SYNJ2: variants seen among roughly 807,000 people sequenced by gnomAD.
SYNJ2 encodes the protein polyphosphatidylinositol phosphatase SYNJ2.
A neutral mutation model predicts 141.3 loss-of-function variants in SYNJ2; 116 were observed. The ratio of observed to expected loss-of-function variants is 0.82; its 90% CI spans 0.71 to 0.96. The LOEUF (loss-of-function observed/expected upper bound fraction) is 0.96, where lower values mean the gene tolerates loss of function less well. Among genes scored for constraint, SYNJ2 ranks in the 40% least tolerant of loss-of-function variants. The pLI, the probability that SYNJ2 is intolerant of heterozygous loss-of-function variation, is 0.00. For synonymous variants in SYNJ2, 745 were observed against 777.7 expected (o/e 0.96, Z 0.70); for missense variants, 1,873 against 1,934.8 (o/e 0.97, Z 0.60).
At chr6:158,083,878 G>T (rs1425786466) in intron 21 of SYNJ2, 123 bp from the exon 22 acceptor site, 3 of 1,180,322 alleles carry the variant, frequency 2.5e-6, no homozygotes, top group Non-Finnish European at 3.7e-6. Context: ...TGGCGCCTGG[G>T]CCCTGAGCTG....
In SYNJ2 at chr6:158,043,903, G is replaced by A. The variant is rs1459661438; in HGVS notation, c.795+504G>A. Among the ~76,000 whole-genome samples the A allele has an allele frequency of 6.6e-6, 1 of 152,220 alleles. No individual in the cohort carries two copies. The highest frequency in any genetic ancestry group is 1.5e-5 in the Non-Finnish European group (1 of 68,034). On this transcript the variant is annotated intron_variant, in intron 5 of 26. Coordinates refer to ENST00000355585, the MANE Select transcript of SYNJ2 (RefSeq NM_003898.4). This position sits in a 1 kb window ranked among gnomAD's most constrained non-coding sequence, Gnocchi z 4.0. ...AATACCCCTTGCCGTCCAAAGCAGG[G>A]CTCTGGTCAGTGCCAGAGAGATTTG...
At chr6:158,031,896 G>A (rs1393443823) in intron 3 of SYNJ2, among the ~76,000 whole-genome samples, 1 of 152,200 alleles carries the variant, frequency 6.6e-6, no homozygotes, top group African/African-American at 2.4e-5. Flanking sequence ...CTGAGCCCTG[G>A]TGATAGTGGC....
rs760907692 is a variant in SYNJ2 at position 158,033,663 on chromosome 6, T to G, written c.694T>G (p.Phe232Val). 2 of 1,610,296 alleles carry G rather than the reference T, an allele frequency of 1.2e-6. No individual in the cohort carries two copies. Among genetic ancestry groups the G allele is most frequent in the Non-Finnish European group, 1.7e-6 (2 of 1,179,372 alleles). ...GVNDDGHVSN[F>V]VETEQMIYMD... Reference sequence around the variant, plus strand: ...GAACGACGACGGCCATGTGTCCAACTTCGTGGAGACAGAGCAGGTGAGTGC... The same window carrying G: ...GAACGACGACGGCCATGTGTCCAACGTCGTGGAGACAGAGCAGGTGAGTGC... Residue 232 changes from phenylalanine to valine, a missense_variant, in exon 4 of 27, where the codon TTC (phenylalanine) becomes GTC (valine). Phe to Val is a conservative substitution (Grantham distance 50). Transcript: ENST00000355585.
chr6:158,088,780 C>G lies in SYNJ2; in HGVS notation c.3456+8C>G, dbSNP rs749437921. The G allele has an allele frequency of 4.4e-6, 7 of 1,591,222 alleles. No individual in the cohort carries two copies. Among genetic ancestry groups the G allele is most frequent in the South Asian group, 1.1e-5 (1 of 90,652 alleles). ...GGAGCACCTCAGCAACCTGTGAGTT[C>G]TTCTGCATACATTTCAATCCCAAGG... On this transcript the variant is annotated splice_region_variant and intron_variant, in intron 24 of 26. Coordinates refer to ENST00000355585, the MANE Select transcript of SYNJ2 (RefSeq NM_003898.4).
At chr6:158,025,983 A>G (rs938985610) in intron 2 of SYNJ2, among the ~76,000 whole-genome samples, 4 of 129,098 alleles carry the variant, frequency 3.1e-5, no homozygotes, top group African/African-American at 5.9e-5. Context: ...ATACATGCAT[A>G]CATACATACA....
rs1048799557 is a variant in SYNJ2, at chr6:158,088,516, G to T, written c.3344-144G>T. On this transcript the variant is annotated intron_variant, in intron 23 of 26. Coordinates refer to ENST00000355585, the MANE Select transcript of SYNJ2 (RefSeq NM_003898.4). The stretch of plus-strand genomic sequence containing the variant: ...TCAAGGAAGGCCTGGCTCTGTGGGT[G>T]CCCTAAGTGCCGAGTGAGTATTCGG... 1.4e-4 allele frequency: 86 copies of T among 636,044 alleles called. 1 individual carries two copies. The highest frequency in any genetic ancestry group is 1.4e-4 in the Non-Finnish European group (50 of 355,300). The allele number at this position is 636,044 out of a possible 1,614,324, so 39.4% of individuals were successfully genotyped here.
At chr6:158,049,711 C>T (rs1476879562) in intron 5 of SYNJ2, among the ~76,000 whole-genome samples, 2 of 152,118 alleles carry the variant, frequency 1.3e-5, no homozygotes, top group Non-Finnish European at 2.9e-5. Context: ...CAGGTATGGA[C>T]ATGCCTCTGC....
At chr6:158,019,547 G>A (rs762813260) in intron 2 of SYNJ2, among the ~76,000 whole-genome samples, 4 of 152,216 alleles carry the variant, frequency 2.6e-5, no homozygotes, top group Non-Finnish European at 5.9e-5. Context: ...GGGGCAGGGA[G>A]TGCTCAGAGA....
rs563383521 is a variant in SYNJ2 at position 158,053,904 on chromosome 6, C to T, written c.796-1063C>T. Among the ~76,000 whole-genome samples the T allele has an allele frequency of 7.6e-3, 1,152 of 151,604 alleles. 16 individuals are homozygous for T. The highest frequency in any genetic ancestry group is 0.025 in the African/African-American group (1,048 of 41,300). On this transcript the variant is annotated intron_variant, in intron 5 of 26. Coordinates refer to ENST00000355585, the MANE Select transcript of SYNJ2 (RefSeq NM_003898.4). ...TCCATCTACTGATGCATCCACTGAT[C>T]CATCCATCCACCCACCCATTCTCTT... is the stretch of plus-strand genomic sequence containing the variant.
chr6:158,096,312 A>T lies in SYNJ2; in HGVS notation c.4439A>T (p.Asp1480Val). 1 of 1,613,588 alleles carries T rather than the reference A, an allele frequency of 6.2e-7. No individual in the cohort carries two copies. The highest frequency in any genetic ancestry group is 8.5e-7 in the Non-Finnish European group (1 of 1,179,930). ...TTAGGTCACTGGGTGACAATCAGTG[A>T]CCAAGAAAAGAGGACAGCACTGCAG... ...KTLGHWVTIS[D>V]QEKRTALQVF... The change falls in exon 27 of 27, where the codon GAC becomes GTC. Residue 1480 changes from aspartate to valine, a missense_variant. By Grantham distance (152) the Asp-to-Val change is radical. Transcript: ENST00000355585.
intron 1 of SYNJ2, among the ~76,000 whole-genome samples, chr6:158,007,704 G>A (rs1268510084): frequency 6.6e-6 from 1 of 152,110 alleles, no homozygotes; most frequent in Non-Finnish European, 1.5e-5. Context: ...GTGCAGTGGC[G>A]TGACCATGGC....
intron 6 of SYNJ2, among the ~76,000 whole-genome samples, chr6:158,057,778 C>T (rs905027526): frequency 2.0e-5 from 3 of 152,204 alleles, no homozygotes; most frequent in African/African-American, 7.2e-5. Flanking sequence ...TGGGCTCCCT[C>T]ACCAGGGGCA....
rs763854356 is a variant in SYNJ2, at chr6:158,043,331, G to A, written c.727G>A (p.Asp243Asn). Residue 243 changes from aspartate (D) to asparagine (N), a missense_variant, in exon 5 of 27, where the codon GAT (aspartate) becomes AAT (asparagine). Asp to Asn is a conservative substitution (Grantham distance 23). Coordinates refer to ENST00000355585, the MANE Select transcript of SYNJ2 (RefSeq NM_003898.4). The surrounding 1 kb of genome is among the most constrained non-coding windows in gnomAD (Gnocchi z 4.0). ...VETEQMIYMD[D>N]GVSSFVQIRG... is the part of the protein sequence containing the mutation. Reference sequence around the variant, plus strand: ...TGTGCCGCAGATGATTTACATGGACGATGGAGTGTCATCTTTTGTCCAGAT... The same window carrying A: ...TGTGCCGCAGATGATTTACATGGACAATGGAGTGTCATCTTTTGTCCAGAT... 3.1e-6 allele frequency: 5 copies of A among 1,613,900 alleles called. No homozygotes were observed. In the South Asian group the frequency reaches 3.3e-5, roughly 11 times the overall value.
rs1349570535 is a variant in SYNJ2, at chr6:157,982,118, G to A, written c.127+30G>A. The A allele has an allele frequency of 1.6e-5, 21 of 1,290,322 alleles. No homozygotes were observed. Among genetic ancestry groups the A allele is most frequent in the South Asian group, 2.2e-5 (1 of 44,746 alleles). 79.9% of individuals were successfully genotyped at this position (1,290,322 alleles called of 1,614,324 possible). On this transcript the variant is annotated intron_variant, in intron 1 of 26. Transcript: ENST00000355585. The surrounding 1 kb of genome is among the most constrained non-coding windows in gnomAD (Gnocchi z 4.0). ...GTCCGGGCCGGGGGCAGCGACGCCCGGAGGAGAGGGCGCCCGCATTCGCCC... is the reference window on the plus strand; with the variant it reads ...GTCCGGGCCGGGGGCAGCGACGCCCAGAGGAGAGGGCGCCCGCATTCGCCC...
rs553055239 is a variant in SYNJ2 at position 158,047,266 on chromosome 6, A to G, written c.795+3867A>G. On this transcript the variant is annotated intron_variant, in intron 5 of 26. Coordinates refer to ENST00000355585, the MANE Select transcript of SYNJ2 (RefSeq NM_003898.4). ...TTCCAAGCTTCCCCGCAGCCACCAC[A>G]GAAAGAACCACAGTCACAGCCAGTT... 1.8e-4 allele frequency among the ~76,000 whole-genome samples: 28 copies of G among 152,292 alleles called. 1 individual carries two copies. In the South Asian group the frequency reaches 5.8e-3, roughly 32 times the overall value.
chr6:158,044,693 T>G (rs995572864), intron 5 of SYNJ2, among the ~76,000 whole-genome samples: 1 of 152,214 alleles, frequency 6.6e-6, no homozygotes, highest in Non-Finnish European at 1.5e-5. Flanking sequence ...TAACCACCAC[T>G]GTAATCTAAT....
At chr6:158,085,889 G>T (rs1192677158) in intron 22 of SYNJ2, among the ~76,000 whole-genome samples, 1 of 151,990 alleles carries the variant, frequency 6.6e-6, no homozygotes, top group Non-Finnish European at 1.5e-5. Context: ...CTTCTGCCCG[G>T]GAGTTGAAGT....
At chr6:158,031,584 G>A (rs1779363412) in intron 3 of SYNJ2, among the ~76,000 whole-genome samples, 1 of 151,852 alleles carries the variant, frequency 6.6e-6, no homozygotes, top group Non-Finnish European at 1.5e-5. Context: ...GTGGTTCTGG[G>A]CTTGATCGCC....
intron 1 of SYNJ2, among the ~76,000 whole-genome samples, chr6:158,016,774 C>G (rs1293648939): frequency 6.6e-6 from 1 of 152,220 alleles, no homozygotes; most frequent in Admixed American, 6.5e-5. Flanking sequence ...CTCAGAGGTA[C>G]TCAGGCACCT....
Sources: gnomAD v4.1 joint callset for allele counts (sites outside exome capture counted in the v4.1 genomes callset) on GRCh38, gnomAD v4.1.1 for gene constraint, Gnocchi (gnomAD v3.1) non-coding constraint, MANE v1.5 for transcripts, NCBI Gene and HGNC (gene_info 2026-07-23, HGNC 2026-07-21) for gene names.